ZNF728: variants seen among roughly 807,000 people sequenced by gnomAD.
ZNF728 encodes zinc finger protein 728.
A neutral mutation model predicts 12.5 loss-of-function variants in ZNF728; 12 were observed. The observed-to-expected ratio is 0.96, with a 90% CI of 0.61 to 1.55. The LOEUF is 1.55. ZNF728 is among the 40% of genes most tolerant of loss of function. ZNF728 has a pLI of 0.00. For missense variants in ZNF728, 692 were observed against 719.2 expected, an observed-to-expected ratio of 0.96 and a Z score of 0.43; for synonymous variants, 205 against 240.7, an observed-to-expected ratio of 0.85 and a Z score of 1.37.
intron 3 of ZNF728, among the ~76,000 whole-genome samples, chr19:22,984,484 G>A (rs1417536523): frequency 6.6e-6 from 1 of 150,450 alleles, no homozygotes; most frequent in South Asian, 2.1e-4. Context: ...GCTTGAACCC[G>A]GGAGGCAGAG....
chr19:22,979,721 G>A (rs1968841945), intron 3 of ZNF728, among the ~76,000 whole-genome samples: 1 of 152,160 alleles, frequency 6.6e-6, no homozygotes, highest in African/African-American at 2.4e-5. Flanking sequence ...CATTCTTAAA[G>A]AAAGGAATTT....
chr19:23,003,036 G>T lies in ZNF728; in HGVS notation c.-6C>A. The T allele has an allele frequency of 6.3e-7, 1 of 1,583,570 alleles. No individual in the cohort carries two copies. Among genetic ancestry groups the T allele is most frequent in the Non-Finnish European group, 8.6e-7 (1 of 1,165,016 alleles). ...GGACCCGGCTGACTCACCATTTCTA[G>T]GCTTCCGGGGGTCCTGGCGACTTAG... On this transcript the variant is annotated 5_prime_UTR_variant, in exon 1 of 4. Coordinates refer to ENST00000594710, the MANE Select transcript of ZNF728 (RefSeq NM_001267716.2).
intron 1 of ZNF728, among the ~76,000 whole-genome samples, chr19:22,997,046 A>T (rs1209321084): frequency 6.6e-6 from 1 of 152,182 alleles, no homozygotes; most frequent in African/African-American, 2.4e-5. Flanking sequence ...TTAGAATCTG[A>T]CACAGTAATA....
chr19:23,000,305 G>GAGAC (rs954391986), intron 1 of ZNF728, among the ~76,000 whole-genome samples: 59 of 150,864 alleles, frequency 3.9e-4, no homozygotes, highest in African/African-American at 1.3e-3. Flanking sequence ...GTAAACCCTG[G>GAGAC]AGACAGAGCT....
intron 1 of ZNF728, among the ~76,000 whole-genome samples, chr19:22,992,041 A>T (rs1180096125): frequency 6.6e-6 from 1 of 152,218 alleles, no homozygotes; most frequent in Non-Finnish European, 1.5e-5. Flanking sequence ...AATAAATACA[A>T]ATAACAATGA....
chr19:22,987,793 CAG>C (rs1968934140), intron 2 of ZNF728, among the ~76,000 whole-genome samples: 1 of 152,086 alleles, frequency 6.6e-6, no homozygotes, highest in Non-Finnish European at 1.5e-5. Flanking sequence ...TTCTTGAAAA[CAG>C]AAATCTGAAA....
At chr19:22,979,539 G>A (rs1194383782) in intron 3 of ZNF728, among the ~76,000 whole-genome samples, 1 of 152,064 alleles carries the variant, frequency 6.6e-6, no homozygotes, top group Non-Finnish European at 1.5e-5. Flanking sequence ...TACTCGAGAA[G>A]AGCAACCCCA....
chr19:23,002,763 C>T (rs1354585350), intron 1 of ZNF728, among the ~76,000 whole-genome samples: 3 of 152,200 alleles, frequency 2.0e-5, no homozygotes, highest in Non-Finnish European at 2.9e-5. Flanking sequence ...AGAGACTCCG[C>T]GCTGCGGGTG....
In ZNF728 at chr19:22,976,055, C is replaced by G. The variant is rs756091328; in HGVS notation, c.1282G>C (p.Glu428Gln). 12 of 1,605,890 alleles carry G rather than the reference C, an allele frequency of 7.5e-6. No homozygotes were observed. In the African/African-American group the frequency reaches 1.1e-4, roughly 14 times the overall value. ...HTGEKPYKCEECGKAFTTFSS... is the reference protein window; with the variant it reads ...HTGEKPYKCEQCGKAFTTFSS... Reference sequence around the variant, plus strand: ...AATGTAGTAAAGGCTTTGCCACATTCTTCACATTTGTAGGGTTTCTCTCCA... The same window carrying G: ...AATGTAGTAAAGGCTTTGCCACATTGTTCACATTTGTAGGGTTTCTCTCCA... Residue 428 changes from glutamate to glutamine, a missense_variant, in exon 4 of 4, where the codon GAA becomes CAA. Coordinates refer to ENST00000594710, the MANE Select transcript of ZNF728 (RefSeq NM_001267716.2).
At chr19:22,988,543 G>A in intron 1 of ZNF728, 92 bp from the exon 2 acceptor site, 1 of 1,550,758 alleles carries the variant, frequency 6.4e-7, no homozygotes, top group Non-Finnish European at 8.7e-7. Context: ...AGTAAAAAGA[G>A]CTCATTCTGA....
At chr19:22,992,686 G>C (rs1466690331) in intron 1 of ZNF728, among the ~76,000 whole-genome samples, 1 of 152,038 alleles carries the variant, frequency 6.6e-6, no homozygotes, top group Non-Finnish European at 1.5e-5. Flanking sequence ...TCTCTTCTGG[G>C]TACCAACCAA....
Position 22,976,480 on chromosome 19 carries a change from C to G in ZNF728, c.857G>C (p.Cys286Ser), listed in dbSNP as rs766731508. ...ACTAAAGGCTTTGCCACATTCTTCACATTTGTAGGGTTTCTCTCCAGCATG... is the reference window on the plus strand; with the variant it reads ...ACTAAAGGCTTTGCCACATTCTTCAGATTTGTAGGGTTTCTCTCCAGCATG... The part of the protein sequence containing the change: ...RSHAGEKPYK[C>S]EECGKAFSKA... Residue 286 changes from cysteine (C) to serine (S), a missense_variant, in exon 4 of 4, where the codon TGT becomes TCT. Cys to Ser is a moderately radical substitution (Grantham distance 112). This residue lies in a region of ZNF728 where 440 missense variants were observed against 459.6 expected (regional missense o/e 0.96). Transcript: ENST00000594710. 1 of 1,613,140 alleles carries G rather than the reference C, an allele frequency of 6.2e-7. No homozygotes were observed. The highest frequency in any genetic ancestry group is 2.2e-5 in the East Asian group (1 of 44,866).
intron 2 of ZNF728, among the ~76,000 whole-genome samples, chr19:22,987,958 T>G (rs1261529092): frequency 6.6e-6 from 1 of 152,216 alleles, no homozygotes; most frequent in Non-Finnish European, 1.5e-5. Context: ...AATTCGCTTC[T>G]GCTCCTGCCG....
chr19:22,992,964 A>ATCCTGATTTGCTAGCTG (rs1969006735), intron 1 of ZNF728, among the ~76,000 whole-genome samples: 1 of 152,174 alleles, frequency 6.6e-6, no homozygotes, highest in Non-Finnish European at 1.5e-5. Flanking sequence ...TGGGTCATCC[A>ATCCTGATTTGCTAGCTG]TCCTGATTTG....
intron 1 of ZNF728, among the ~76,000 whole-genome samples, chr19:22,996,276 T>C (rs1399953490): frequency 6.6e-6 from 1 of 152,200 alleles, no homozygotes; most frequent in Non-Finnish European, 1.5e-5. Flanking sequence ...CTTATATTCA[T>C]ACTATTGTAG....
At chr19:22,979,536 G>T (rs945331831) in intron 3 of ZNF728, among the ~76,000 whole-genome samples, 1 of 152,046 alleles carries the variant, frequency 6.6e-6, no homozygotes, top group African/African-American at 2.4e-5. Flanking sequence ...TACTACTCGA[G>T]AAGAGCAACC....
At chr19:22,981,288 A>T (rs906429808) in intron 3 of ZNF728, among the ~76,000 whole-genome samples, 2 of 152,160 alleles carry the variant, frequency 1.3e-5, no homozygotes, top group African/African-American at 4.8e-5. Context: ...AGAAGAAATG[A>T]ATAAATTCCT....
rs762045807 is a variant in ZNF728 at position 22,975,758 on chromosome 19, TA to T, written c.1578del (p.His526GlnfsTer3). Reference sequence around the variant, plus strand: ...TGTTTCTCTCCAGTATGAATTACCTTATGTTTAGTAAGGTTTGCAACCTTAC... The same window carrying T: ...TGTTTCTCTCCAGTATGAATTACCTTTGTTTAGTAAGGTTTGCAACCTTAC... ...AFSKVANLTKHKVIHTGEKQY... is the reference protein window; with the variant it reads ...AFSKVANLTKXKVIHTGEKQY... On this transcript the variant is annotated frameshift_variant, in exon 4 of 4. Transcript: ENST00000594710. LOFTEE classifies it low-confidence loss of function (END_TRUNC). 1 of 1,612,100 alleles carries T rather than the reference TA, an allele frequency of 6.2e-7. No individual in the cohort carries two copies. The highest frequency in any genetic ancestry group is 8.5e-7 in the Non-Finnish European group (1 of 1,179,906).
intron 1 of ZNF728, among the ~76,000 whole-genome samples, chr19:22,989,051 C>CAAAAAAAAAAAAAAA (rs68080575): frequency 2.0e-5 from 1 of 50,172 alleles, no homozygotes; most frequent in Non-Finnish European, 3.9e-5. Context: ...AACTCCATCT[C>CAAAAAAAAAAAAAAA]AAAAAAAAAA....
Sources: allele counts gnomAD v4.1 joint callset (sites outside exome capture counted in the v4.1 genomes callset), GRCh38; gene constraint gnomAD v4.1.1; regional missense constraint gnomAD v4.1.1; transcripts MANE v1.5; gene names NCBI Gene and HGNC (gene_info 2026-07-23, HGNC 2026-07-21).